Variants in ULK2 observed in about 807,000 individuals in gnomAD.
ULK2 encodes serine/threonine-protein kinase ULK2.
ULK2 carries 76 observed loss-of-function variants against 127.5 expected under a neutral mutation model. The observed-to-expected ratio is 0.60, with a 90% CI of 0.50 to 0.72. The LOEUF is 0.72. ULK2 is among the 30% of genes least tolerant of loss of function. The probability of loss-of-function intolerance (pLI) is 0.00; values close to 1 mark genes in which losing one functional copy is unlikely to be tolerated. For missense variants in ULK2, 1,144 were observed against 1,295.9 expected (o/e 0.88, Z 1.80); for synonymous variants, 452 against 461.9 (o/e 0.98, Z 0.28).
intron 22 of ULK2, 27 bp downstream of exon 22, chr17:19,783,670 T>C: frequency 7.1e-7 from 1 of 1,412,280 alleles, no homozygotes; most frequent in Non-Finnish European, 9.3e-7. Context: ...CAACATTACA[T>C]TCACACCACT....
In ULK2 at chr17:19,797,302, A is replaced by C. The variant is rs79639535; in HGVS notation, c.1809+94T>G. The C allele has an allele frequency of 2.5e-3, 3,458 of 1,360,750 alleles. 45 individuals are homozygous for C. The East Asian group carries it at 0.047, about 18-fold the overall frequency. 84.3% of individuals were successfully genotyped at this position (1,360,750 alleles called of 1,614,324 possible). ...ACAAAGCAAGACTCTGTCTCAAAAAATAAAATAAAAAAATTATAGCTATTC... is the reference window on the plus strand; with the variant it reads ...ACAAAGCAAGACTCTGTCTCAAAAACTAAAATAAAAAAATTATAGCTATTC... On this transcript the variant is annotated intron_variant, in intron 18 of 26. Transcript: ENST00000395544.
At chr17:19,783,005 G>A (rs182870379) in intron 22 of ULK2, among the ~76,000 whole-genome samples, 1 of 152,206 alleles carries the variant, frequency 6.6e-6, no homozygotes, top group East Asian at 1.9e-4. Flanking sequence ...AGTTATAAAT[G>A]CATTCTGAAA....
At chr17:19,793,004 T>C (rs1437648415) in intron 20 of ULK2, among the ~76,000 whole-genome samples, 3 of 152,206 alleles carry the variant, frequency 2.0e-5, no homozygotes, top group Non-Finnish European at 4.4e-5. Flanking sequence ...TTCATTTTCA[T>C]ACTGCTATAA....
intron 3 of ULK2, among the ~76,000 whole-genome samples, chr17:19,857,631 T>C (rs2042161744): frequency 6.6e-6 from 1 of 152,202 alleles, no homozygotes; most frequent in South Asian, 2.1e-4. Flanking sequence ...ACCAGGCCAC[T>C]GACAATCACA....
chr17:19,795,760 A>C, intron 19 of ULK2, 35 bp from the exon 20 acceptor site: 1 of 1,590,920 alleles, frequency 6.3e-7, no homozygotes, highest in Non-Finnish European at 8.6e-7. Context: ...ATAAAGGAAA[A>C]GTATACTTTT....
chr17:19,835,302 G>C (rs989530348), intron 10 of ULK2, among the ~76,000 whole-genome samples: 1 of 150,808 alleles, frequency 6.6e-6, no homozygotes, highest in Non-Finnish European at 1.5e-5. Flanking sequence ...GGATGGTCTT[G>C]GTCTCCTGAC....
intron 8 of ULK2, among the ~76,000 whole-genome samples, chr17:19,842,105 C>G (rs1279532308): frequency 1.3e-5 from 2 of 151,648 alleles, no homozygotes; most frequent in Admixed American, 1.3e-4. Flanking sequence ...ACAACAGCTG[C>G]TGAATTAGTG....
chr17:19,788,235 C>T lies in ULK2; in HGVS notation c.2102-2149G>A, dbSNP rs1447071680. Among the ~76,000 whole-genome samples, 9 of 152,156 alleles carry T rather than the reference C, an allele frequency of 5.9e-5. No homozygotes were observed. The East Asian group carries it at 1.4e-3, about 23-fold the overall frequency. On this transcript the variant is annotated intron_variant, in intron 20 of 26. Coordinates refer to ENST00000395544, the MANE Select transcript of ULK2 (RefSeq NM_014683.4). ...TGACTTAGAGAGACATCAGACAGGG[C>T]TTCTAAGGGAGTGTTTGTGCCACTC...
intron 10 of ULK2, among the ~76,000 whole-genome samples, chr17:19,829,576 G>A (rs35631710): frequency 7.5e-6 from 1 of 132,600 alleles, no homozygotes; most frequent in Non-Finnish European, 1.6e-5. Flanking sequence ...GGTAGCTCAC[G>A]CCTGTAATCC....
intron 11 of ULK2, 137 bp downstream of exon 11, chr17:19,826,002 A>T (rs2041285137): frequency 1.0e-5 from 2 of 197,486 alleles, no homozygotes; most frequent in South Asian, 1.7e-4. Context: ...AAAAAAAAAA[A>T]AATAAATAAA....
intron 20 of ULK2, among the ~76,000 whole-genome samples, chr17:19,794,746 T>C (rs1156694008): frequency 2.0e-5 from 3 of 150,376 alleles, no homozygotes; most frequent in African/African-American, 7.3e-5. Context: ...AACAAGGAGA[T>C]TACAATAGTG....
chr17:19,846,039 T>C (rs906394143), intron 6 of ULK2, among the ~76,000 whole-genome samples: 1 of 152,086 alleles, frequency 6.6e-6, no homozygotes, highest in Admixed American at 6.6e-5. Context: ...GGCAGGAGAA[T>C]CTCTTGAACC....
rs369831149 is a variant in ULK2, at chr17:19,797,557, C to T, written c.1648G>A (p.Val550Met). ...QKLRKQHSDPVCPSHTGAGYS... is the reference protein window; with the variant it reads ...QKLRKQHSDPMCPSHTGAGYS... The stretch of plus-strand genomic sequence containing the variant: ...CCAGCCCCAGTATGGGATGGGCACA[C>T]GGGGTCAGAGTGCTGTTTTCTGAGC... Residue 550 changes from valine (V) to methionine (M), a missense_variant, in exon 18 of 27, where the codon GTG becomes ATG. By Grantham distance (21) the Val-to-Met change is conservative (BLOSUM62 1). Around this residue, in one of 2 missense-constraint regions of ULK2, gnomAD observed 913 missense variants for 970.5 expected, o/e 0.94. Transcript: ENST00000395544. 75 of 1,613,636 alleles carry T rather than the reference C, an allele frequency of 4.6e-5. No homozygotes were observed. The highest frequency in any genetic ancestry group is 2.8e-4 in the African/African-American group (21 of 74,798).
chr17:19,781,818 T>C, intron 23 of ULK2, 71 bp downstream of exon 23: 2 of 1,513,860 alleles, frequency 1.3e-6, no homozygotes, highest in Non-Finnish European at 1.8e-6. Context: ...TGGATGACAA[T>C]ACCTACAACT....
chr17:19,816,642 A>T, intron 13 of ULK2, 107 bp downstream of exon 13: 1 of 1,007,350 alleles, frequency 9.9e-7, no homozygotes, highest in Non-Finnish European at 1.3e-6. Flanking sequence ...TAAAATGCTC[A>T]TTTGAAAAGG....
intron 10 of ULK2, among the ~76,000 whole-genome samples, chr17:19,830,735 G>C (rs544299889): frequency 1.3e-5 from 2 of 151,564 alleles, no homozygotes; most frequent in Middle Eastern, 3.4e-3. Context: ...ACACTATAAA[G>C]AACTACTTGA....
chr17:19,866,076 C>T (rs1418152843), intron 1 of ULK2, among the ~76,000 whole-genome samples: 1 of 152,136 alleles, frequency 6.6e-6, no homozygotes, highest in Non-Finnish European at 1.5e-5. Flanking sequence ...AAGAACAGTT[C>T]ACAACCACTT....
intron 3 of ULK2, among the ~76,000 whole-genome samples, chr17:19,853,403 G>C (rs2042059787): frequency 6.6e-6 from 1 of 151,986 alleles, no homozygotes; most frequent in Admixed American, 6.6e-5. Context: ...CTTCCAAAGT[G>C]CTGGGATTAC....
In ULK2 at chr17:19,776,509, T is replaced by C. The variant is rs903332346; in HGVS notation, c.3053-102A>G. 4.6e-6 allele frequency: 5 copies of C among 1,082,330 alleles called. No homozygotes were observed. In the African/African-American group the frequency reaches 8.2e-5, roughly 18 times the overall value. 67.0% of individuals were successfully genotyped at this position (1,082,330 alleles called of 1,614,324 possible). ...AAAGTTAACAGTTCTGAATATGTTT[T>C]CTTCTTTCTGCTTGGTAATAGTTTA... On this transcript the variant is annotated intron_variant, in intron 26 of 26. Transcript: ENST00000395544.
Sources: allele counts gnomAD v4.1 joint callset (sites outside exome capture counted in the v4.1 genomes callset), GRCh38; gene constraint gnomAD v4.1.1; regional missense constraint gnomAD v4.1.1; transcripts MANE v1.5; gene names NCBI Gene and HGNC (gene_info 2026-07-23, HGNC 2026-07-21).